Variants in FRMD4A observed in about 807,000 individuals in gnomAD.
The protein encoded by FRMD4A is FERM domain containing 4A, also known as FERM domain-containing protein 4A.
In FRMD4A, 29 loss-of-function variants were observed where a neutral mutation model predicts 129.1. The observed-to-expected ratio is 0.22, with a 90% CI of 0.17 to 0.31. The LOEUF (loss-of-function observed/expected upper bound fraction) is 0.31, where lower values mean the gene tolerates loss of function less well. Among genes scored for constraint, FRMD4A ranks in the 10% least tolerant of loss-of-function variants. FRMD4A has a pLI of 1.00. For synonymous variants in FRMD4A, 634 were observed against 571.6 expected, an observed-to-expected ratio of 1.11 and a Z score of -1.56; for missense variants, 1,272 against 1,375.8, an observed-to-expected ratio of 0.92 and a Z score of 1.19.
At chr10:14,005,440 T>C (rs1414661667) in intron 2 of FRMD4A, among the ~76,000 whole-genome samples, 3 of 152,192 alleles carry the variant, frequency 2.0e-5, no homozygotes, top group Admixed American at 6.5e-5. Context: ...GATGTCTAAG[T>C]TGCAGGGTTA....
chr10:13,714,058 A>ATATATAAAATATACTTTTTTTT (rs1309144969), intron 12 of FRMD4A, among the ~76,000 whole-genome samples: 1 of 122,120 alleles, frequency 8.2e-6, no homozygotes, highest in Non-Finnish European at 1.7e-5. Flanking sequence ...ATATATATAT[A>ATATATAAAATATACTTTTTTTT]TAAAATATAC....
intron 2 of FRMD4A, among the ~76,000 whole-genome samples, chr10:14,073,092 G>T (rs1198225718): frequency 6.6e-6 from 1 of 152,188 alleles, no homozygotes; most frequent in Non-Finnish European, 1.5e-5. Context: ...AGAACCCCTT[G>T]TAACCTGCAC....
chr10:14,169,932 G>A (rs1041342074), intron 2 of FRMD4A, among the ~76,000 whole-genome samples: 1 of 152,052 alleles, frequency 6.6e-6, no homozygotes, highest in Non-Finnish European at 1.5e-5. Context: ...GTGATTTCTG[G>A]TTCACAGAGT....
chr10:14,226,772 C>T (rs564448743), intron 2 of FRMD4A, among the ~76,000 whole-genome samples: 3 of 152,286 alleles, frequency 2.0e-5, no homozygotes, highest in Non-Finnish European at 4.4e-5. Context: ...CTCCACCTCA[C>T]GAGGGTCTCT....
intron 2 of FRMD4A, among the ~76,000 whole-genome samples, chr10:14,215,264 C>T (rs1333876792): frequency 6.6e-6 from 1 of 152,048 alleles, no homozygotes; most frequent in Non-Finnish European, 1.5e-5. Flanking sequence ...CAAGCCAGGC[C>T]CTAAAATAAT....
chr10:13,808,641 C>T (rs879826010), intron 4 of FRMD4A, among the ~76,000 whole-genome samples: 9 of 152,360 alleles, frequency 5.9e-5, no homozygotes, highest in Admixed American at 5.9e-4. Flanking sequence ...ACTGCCCAGC[C>T]TTGCAGGAGC....
intron 5 of FRMD4A, among the ~76,000 whole-genome samples, chr10:13,790,338 G>T (rs10906485): frequency 0.14 from 20,674 of 152,214 alleles, 1,723 homozygotes; most frequent in East Asian, 0.27. Flanking sequence ...AGTGGAGATG[G>T]CCTGGAGCTC....
intron 24 of FRMD4A, among the ~76,000 whole-genome samples, chr10:13,650,044 C>T (rs1010867006): frequency 1.3e-5 from 2 of 152,176 alleles, no homozygotes; most frequent in Non-Finnish European, 2.9e-5. Context: ...AATGCCCTTT[C>T]CCAGGGCTAT....
intron 2 of FRMD4A, among the ~76,000 whole-genome samples, chr10:14,174,210 C>T: frequency 6.6e-6 from 1 of 152,250 alleles, no homozygotes; most frequent in African/African-American, 2.4e-5. Flanking sequence ...TCCCCAGCGC[C>T]TGCAAAGCGC....
rs780095558 is a variant in FRMD4A, at chr10:13,657,321, C to T, written c.2268G>A (p.Ser756=). The T allele has an allele frequency of 1.6e-5, 26 of 1,611,760 alleles. No individual in the cohort carries two copies. The highest frequency in any genetic ancestry group is 4.0e-5 in the African/African-American group (3 of 74,922). ...DCSSCTSHSS[S]EHYYPAQMNA... ...TCATCTGCGCCGGGTAGTAGTGCTCCGAGCTCGAGTGGCTGGTGCACGACG... is the reference window on the plus strand; with the variant it reads ...TCATCTGCGCCGGGTAGTAGTGCTCTGAGCTCGAGTGGCTGGTGCACGACG... The change falls in exon 22 of 25, where the codon TCG becomes TCA. Residue 756 remains serine (S), a synonymous_variant. Coordinates refer to ENST00000357447, the MANE Select transcript of FRMD4A (RefSeq NM_018027.5).
Position 13,670,561 on chromosome 10 carries a change from C to T in FRMD4A, c.1252-33G>A, listed in dbSNP as rs765492821. ...TGTGAAATGGCATTCGGAGTGAGCA[C>T]AAATCAGAGTGGGGCGTGTCTGCTT... On this transcript the variant is annotated intron_variant, in intron 16 of 24. Coordinates refer to ENST00000357447, the MANE Select transcript of FRMD4A (RefSeq NM_018027.5). 16 of 1,607,188 alleles carry T rather than the reference C, an allele frequency of 1.0e-5. 1 individual carries two copies. Among genetic ancestry groups the T allele is most frequent in the South Asian group, 9.9e-5 (9 of 90,588 alleles).
chr10:14,097,141 CAAAAAAAAAAAAAAAA>C (rs1157975128), intron 2 of FRMD4A: 1 of 14,980 alleles, frequency 6.7e-5, no homozygotes, highest in Non-Finnish European at 1.2e-4. Flanking sequence ...GACTCCATCT[CAAAAAAAAAAAAAAAA>C]AAAAAAAAAA....
intron 2 of FRMD4A, among the ~76,000 whole-genome samples, chr10:14,211,281 A>G (rs943002897): frequency 6.6e-6 from 1 of 152,214 alleles, no homozygotes; most frequent in African/African-American, 2.4e-5. Context: ...AGGTACTGTC[A>G]TAATCCCCAA....
intron 2 of FRMD4A, among the ~76,000 whole-genome samples, chr10:14,069,538 A>G (rs946563560): frequency 3.3e-5 from 5 of 152,182 alleles, no homozygotes; most frequent in African/African-American, 1.2e-4. Flanking sequence ...TTTTTCATTG[A>G]TCTATGACAG....
intron 15 of FRMD4A, chr10:13,685,567 C>T (rs768551453): frequency 1.0e-6 from 1 of 985,198 alleles, no homozygotes; most frequent in Non-Finnish European, 1.2e-6. Context: ...TTTCAGTCAT[C>T]CTCATTCTGT....
At chr10:13,877,377 ACC>A (rs1428911356) in intron 2 of FRMD4A, among the ~76,000 whole-genome samples, 3 of 152,116 alleles carry the variant, frequency 2.0e-5, no homozygotes, top group Non-Finnish European at 4.4e-5. Context: ...AGCACTCCAC[ACC>A]GACAGCTGAC....
At chr10:13,762,592 G>A in intron 7 of FRMD4A, 32 bp downstream of exon 7, 1 of 1,242,714 alleles carries the variant, frequency 8.0e-7, no homozygotes, top group Non-Finnish European at 1.2e-6. Flanking sequence ...GTATGGCCGT[G>A]GGACATAAAG....
At chr10:13,984,450 G>A (rs1465835150) in intron 2 of FRMD4A, among the ~76,000 whole-genome samples, 2 of 152,170 alleles carry the variant, frequency 1.3e-5, no homozygotes, top group African/African-American at 4.8e-5. Context: ...GTGGCATTAA[G>A]TATATTCACA....
chr10:14,135,714 G>A (rs190333287), intron 2 of FRMD4A, among the ~76,000 whole-genome samples: 1 of 152,278 alleles, frequency 6.6e-6, no homozygotes, highest in East Asian at 1.9e-4. Context: ...GGGAACACCA[G>A]ATGATACTTT....
Sources: gnomAD v4.1 joint callset for allele counts (sites outside exome capture counted in the v4.1 genomes callset) on GRCh38, gnomAD v4.1.1 for gene constraint, MANE v1.5 for transcripts, NCBI Gene and HGNC (gene_info 2026-07-23, HGNC 2026-07-21) for gene names.